Variants in GRM8 observed in about 807,000 individuals in gnomAD.
The protein encoded by GRM8 is glutamate metabotropic receptor 8.
GRM8 carries 47 observed loss-of-function variants against 87.2 expected under a neutral mutation model. The observed-to-expected ratio is 0.54, with a 90% confidence interval of 0.43 to 0.69. The LOEUF (loss-of-function observed/expected upper bound fraction) is 0.69. Ranked by LOEUF, GRM8 falls within the 30% of genes least tolerant of loss-of-function variation. The probability of loss-of-function intolerance (pLI) is 0.00; values close to 1 mark genes in which losing one functional copy is unlikely to be tolerated. For synonymous variants in GRM8, 396 were observed against 404.5 expected (o/e 0.98, Z 0.25); for missense variants, 1,019 against 1,139.2 (o/e 0.89, Z 1.52).
At chr7:127,168,858 G>A (rs1005982451) in intron 2 of GRM8, among the ~76,000 whole-genome samples, 3 of 152,036 alleles carry the variant, frequency 2.0e-5, no homozygotes, top group African/African-American at 7.2e-5. Flanking sequence ...CCTGTCGGGT[G>A]GGGGCTGAGG....
At chr7:127,049,360 G>A (rs1240336418) in intron 3 of GRM8, among the ~76,000 whole-genome samples, 2 of 152,158 alleles carry the variant, frequency 1.3e-5, no homozygotes, top group Admixed American at 1.3e-4. Flanking sequence ...ATAAAAGAAA[G>A]TCATACAAAT....
At chr7:126,977,736 A>G (rs371803999) in intron 3 of GRM8, among the ~76,000 whole-genome samples, 1 of 152,334 alleles carries the variant, frequency 6.6e-6, no homozygotes, top group East Asian at 1.9e-4. Context: ...TCAGAATCAT[A>G]GAATTCTTTT....
intron 6 of GRM8, among the ~76,000 whole-genome samples, chr7:126,876,073 A>G (rs1393507870): frequency 6.6e-6 from 1 of 152,032 alleles, no homozygotes; most frequent in Non-Finnish European, 1.5e-5. Context: ...ATCCTACTCA[A>G]ACTTTACCTT....
At chr7:126,928,223 TG>T (rs1236186115) in intron 3 of GRM8, among the ~76,000 whole-genome samples, 1 of 14,446 alleles carries the variant, frequency 6.9e-5, no homozygotes, top group East Asian at 3.0e-3. Context: ...TGTTGGGGGG[TG>T]GGGGGTGGGG....
intron 7 of GRM8, among the ~76,000 whole-genome samples, chr7:126,671,782 T>C (rs1806408388): frequency 6.6e-6 from 1 of 152,210 alleles, no homozygotes. Context: ...CAAAGCTAAG[T>C]GTCATCCACC....
intron 6 of GRM8, among the ~76,000 whole-genome samples, chr7:126,782,571 C>T (rs1820201141): frequency 6.6e-6 from 1 of 152,164 alleles, no homozygotes; most frequent in Non-Finnish European, 1.5e-5. Flanking sequence ...TGGGCAGGTT[C>T]TCTCTTACTC....
At chr7:126,604,272 A>T (rs1159577219) in intron 8 of GRM8, among the ~76,000 whole-genome samples, 1 of 152,118 alleles carries the variant, frequency 6.6e-6, no homozygotes, top group Non-Finnish European at 1.5e-5. Flanking sequence ...CATTTGAATC[A>T]CAGAGGCTAC....
intron 7 of GRM8, among the ~76,000 whole-genome samples, chr7:126,636,979 TA>T (rs1345645042): frequency 5.3e-5 from 8 of 152,128 alleles, no homozygotes; most frequent in African/African-American, 1.9e-4. Flanking sequence ...ACGCCACATT[TA>T]AGGATAATTT....
At chr7:126,980,466 T>C (rs1248292180) in intron 3 of GRM8, among the ~76,000 whole-genome samples, 1 of 152,238 alleles carries the variant, frequency 6.6e-6, no homozygotes, top group Non-Finnish European at 1.5e-5. Context: ...CAGTAACTAA[T>C]GGTTTTAATA....
At chr7:126,644,058 T>C (rs1802769312) in intron 7 of GRM8, among the ~76,000 whole-genome samples, 2 of 152,236 alleles carry the variant, frequency 1.3e-5, no homozygotes, top group South Asian at 4.1e-4. Flanking sequence ...GTTTCGTCTT[T>C]TGCAGAAATA....
intron 3 of GRM8, among the ~76,000 whole-genome samples, chr7:126,907,389 A>G (rs904138539): frequency 2.0e-5 from 3 of 152,112 alleles, no homozygotes; most frequent in Admixed American, 6.6e-5. Flanking sequence ...GAAATAATAC[A>G]TAATTATAAA....
At chr7:127,245,517 A>G (rs2074363960) in intron 1 of GRM8, among the ~76,000 whole-genome samples, 1 of 152,214 alleles carries the variant, frequency 6.6e-6, no homozygotes, top group South Asian at 2.1e-4. Flanking sequence ...ATCCTTACCT[A>G]TCCATGTGGC....
intron 3 of GRM8, among the ~76,000 whole-genome samples, chr7:126,973,939 G>C (rs564796710): frequency 6.6e-6 from 1 of 152,284 alleles, no homozygotes; most frequent in African/African-American, 2.4e-5. Flanking sequence ...TGTAGGTTGA[G>C]TATCCCTAAT....
At chr7:126,899,517 T>C (rs1413666327) in intron 6 of GRM8, among the ~76,000 whole-genome samples, 4 of 152,176 alleles carry the variant, frequency 2.6e-5, no homozygotes, top group Non-Finnish European at 4.4e-5. Context: ...TTTTACAATG[T>C]AAACTTACAT....
chr7:126,533,648 C>T lies in GRM8; in HGVS notation c.1734G>A (p.Glu578=), dbSNP rs759550118. The change falls in exon 9 of 11, where the codon GAG becomes GAA. Residue 578 remains glutamate, a synonymous_variant. Coordinates refer to ENST00000339582, the MANE Select transcript of GRM8 (RefSeq NM_000845.3). The stretch of plus-strand genomic sequence containing the variant: ...GCACCACAGCCCAGGGAGAATGCCA[C>T]TCCAATTTGATGATGGGGATAAGCT... ...GCQLIPIIKL[E]WHSPWAVVPV... The T allele has an allele frequency of 6.2e-7, 1 of 1,614,090 alleles. No homozygotes were observed. Among genetic ancestry groups the T allele is most frequent in the East Asian group, 2.2e-5 (1 of 44,848 alleles).
intron 6 of GRM8, among the ~76,000 whole-genome samples, chr7:126,884,787 T>A (rs1255893580): frequency 6.6e-6 from 1 of 152,162 alleles, no homozygotes; most frequent in East Asian, 1.9e-4. Context: ...GAGCTTACAA[T>A]TTAATAAGAG....
At chr7:126,610,920 C>T (rs1477300532) in intron 7 of GRM8, among the ~76,000 whole-genome samples, 2 of 152,200 alleles carry the variant, frequency 1.3e-5, no homozygotes, top group African/African-American at 2.4e-5. Context: ...AAGAGCTCTG[C>T]TCCCGGAACT....
chr7:126,450,176 G>C (rs1402845343), intron 9 of GRM8, among the ~76,000 whole-genome samples: 6 of 151,802 alleles, frequency 4.0e-5, no homozygotes, highest in Admixed American at 3.9e-4. Context: ...AGAGTGAGGA[G>C]GGAGGAGATT....
intron 2 of GRM8, among the ~76,000 whole-genome samples, chr7:127,192,559 A>T (rs1795081713): frequency 6.6e-6 from 1 of 152,244 alleles, no homozygotes; most frequent in Non-Finnish European, 1.5e-5. Context: ...CAGGGAGCCC[A>T]TCAGGGCTCA....
Sources: gnomAD v4.1 joint callset for allele counts (sites outside exome capture counted in the v4.1 genomes callset) on GRCh38, gnomAD v4.1.1 for gene constraint, MANE v1.5 for transcripts, NCBI Gene and HGNC (gene_info 2026-07-23, HGNC 2026-07-21) for gene names.